Variants in CATSPERB observed in about 807,000 individuals in gnomAD.
CATSPERB encodes the protein catsper channel auxiliary subunit beta, also known as cation channel sperm-associated auxiliary subunit beta.
CATSPERB carries 93 observed loss-of-function variants against 128.3 expected under a neutral mutation model. The observed-to-expected ratio is 0.72, with a 90% CI of 0.61 to 0.86. CATSPERB has a LOEUF of 0.86. Among genes scored for constraint, CATSPERB ranks in the 40% least tolerant of loss-of-function variants. CATSPERB has a pLI of 0.00. For synonymous variants in CATSPERB, 381 were observed against 448.8 expected, an observed-to-expected ratio of 0.85 and a Z score of 1.91; for missense variants, 1,153 against 1,329.5, an observed-to-expected ratio of 0.87 and a Z score of 2.06.
In CATSPERB at chr14:91,725,139, T is replaced by C; in HGVS notation, c.109A>G (p.Asn37Asp). 11 of 1,577,842 alleles carry C rather than the reference T, an allele frequency of 7.0e-6. No individual in the cohort carries two copies. Among genetic ancestry groups the C allele is most frequent in the Non-Finnish European group, 9.5e-6 (11 of 1,163,392 alleles). ...DDTEKRFACS[N>D]KGFPQENEII... is the part of the protein sequence containing the mutation. ...TCATTCTCTTGAGGGAACCCTTTGT[T>C]AGAACATGCAAAGCGTTTCTCTGTA... The change falls in exon 3 of 27, where the codon AAC becomes GAC. Residue 37 changes from asparagine to aspartate, a missense_variant. Coordinates refer to ENST00000256343, the MANE Select transcript of CATSPERB (RefSeq NM_024764.4).
intron 10 of CATSPERB, among the ~76,000 whole-genome samples, chr14:91,690,409 C>T (rs1008906326): frequency 6.6e-6 from 1 of 152,144 alleles, no homozygotes; most frequent in East Asian, 1.9e-4. Flanking sequence ...AGACAGGGCT[C>T]CTGCTCTCCC....
chr14:91,705,938 G>GT (rs956060559), intron 6 of CATSPERB, among the ~76,000 whole-genome samples: 4 of 151,856 alleles, frequency 2.6e-5, no homozygotes, highest in Admixed American at 6.6e-5. Flanking sequence ...AAAAGGGAGG[G>GT]TTTTTTTTCT....
intron 5 of CATSPERB, among the ~76,000 whole-genome samples, chr14:91,712,896 C>T (rs777759912): frequency 3.3e-5 from 5 of 152,178 alleles, no homozygotes; most frequent in East Asian, 1.9e-4. Flanking sequence ...AGAAAACCTA[C>T]GCAGACATGG....
intron 10 of CATSPERB, 75 bp from the exon 11 acceptor site, chr14:91,684,018 T>C (rs761528654): frequency 9.3e-6 from 10 of 1,073,810 alleles, no homozygotes; most frequent in Non-Finnish European, 1.2e-5. Flanking sequence ...TAGAAAAAAC[T>C]AAAAAATTTC....
In CATSPERB at chr14:91,670,378, C is replaced by T. The variant is rs145083717; in HGVS notation, c.1129-406G>A. On this transcript the variant is annotated intron_variant, in intron 13 of 26. Transcript: ENST00000256343. ...TCAGAATATGACACCTCAGGCCAGG[C>T]GCAGTCTTCAGCTTAAAATTATCTT... Among the ~76,000 whole-genome samples the T allele has an allele frequency of 1.7e-3, 257 of 152,220 alleles. 1 individual carries two copies. Among genetic ancestry groups the T allele is most frequent in the South Asian group, 0.01 (49 of 4,814 alleles).
chr14:91,608,287 T>C lies in CATSPERB; in HGVS notation c.2709+7A>G, dbSNP rs1161437888. On this transcript the variant is annotated splice_region_variant and intron_variant, in intron 22 of 26. Transcript: ENST00000256343. ...AGTGCTAGATTATTTGTAAAAAAGT[T>C]ATTTACCTTTGACATGTGAAACATG... 1.3e-6 allele frequency: 2 copies of C among 1,549,684 alleles called. No homozygotes were observed. Among genetic ancestry groups the C allele is most frequent in the East Asian group, 2.3e-5 (1 of 44,416 alleles).
intron 14 of CATSPERB, among the ~76,000 whole-genome samples, chr14:91,662,732 C>A (rs1894907990): frequency 6.6e-6 from 1 of 152,150 alleles, no homozygotes; most frequent in Admixed American, 6.6e-5. Context: ...ATTTATTTTG[C>A]CAGTTAAGTA....
chr14:91,593,914 G>A (rs1286917974), intron 22 of CATSPERB, among the ~76,000 whole-genome samples: 8 of 14,346 alleles, frequency 5.6e-4, no homozygotes, highest in South Asian at 6.1e-3. Flanking sequence ...CATGGGCGCT[G>A]CTGGTCTTTC....
intron 7 of CATSPERB, among the ~76,000 whole-genome samples, chr14:91,697,869 T>C (rs1895589177): frequency 6.6e-6 from 1 of 152,206 alleles, no homozygotes; most frequent in Non-Finnish European, 1.5e-5. Flanking sequence ...TGGGCTCTTT[T>C]TTGTTCCATA....
At chr14:91,679,382 G>A (rs2139836764) in intron 11 of CATSPERB, among the ~76,000 whole-genome samples, 1 of 152,234 alleles carries the variant, frequency 6.6e-6, no homozygotes, top group African/African-American at 2.4e-5. Flanking sequence ...CTGTCCTAAA[G>A]TAAAATGGTT....
At chr14:91,678,909 G>T (rs1895235224) in intron 11 of CATSPERB, among the ~76,000 whole-genome samples, 1 of 152,068 alleles carries the variant, frequency 6.6e-6, no homozygotes, top group African/African-American at 2.4e-5. Context: ...TAACTTTAAG[G>T]TTCTTAGGTG....
At chr14:91,627,773 G>A (rs1261897272) in intron 17 of CATSPERB, among the ~76,000 whole-genome samples, 4 of 151,888 alleles carry the variant, frequency 2.6e-5, no homozygotes, top group Admixed American at 2.6e-4. Context: ...TTGGAGACCA[G>A]CTTGGATGCA....
intron 22 of CATSPERB, among the ~76,000 whole-genome samples, chr14:91,598,666 GGC>G (rs1893552955): frequency 1.3e-5 from 2 of 152,000 alleles, no homozygotes; most frequent in South Asian, 4.1e-4. Flanking sequence ...AGACCATCCT[GGC>G]TAACATGGTG....
chr14:91,587,408 C>T (rs753395930), intron 25 of CATSPERB, 132 bp from the exon 26 acceptor site: 5 of 472,176 alleles, frequency 1.1e-5, no homozygotes, highest in Non-Finnish European at 1.1e-5. Context: ...CTTCCTAAGG[C>T]TCTCGGACAT....
chr14:91,592,141 A>G, intron 22 of CATSPERB, 139 bp from the exon 23 acceptor site: 1 of 670,228 alleles, frequency 1.5e-6, no homozygotes, highest in South Asian at 1.7e-5. Context: ...ATTCATTAAT[A>G]ATAAAGTAAG....
At chr14:91,678,810 T>C (rs1895233761) in intron 11 of CATSPERB, among the ~76,000 whole-genome samples, 2 of 151,970 alleles carry the variant, frequency 1.3e-5, no homozygotes, top group South Asian at 4.2e-4. Context: ...GTTTGTATGA[T>C]TTTTTTTGAT....
rs144797913 is a variant in CATSPERB, at chr14:91,717,827, C to A, written c.370+1591G>T. Among the ~76,000 whole-genome samples, 775 of 152,266 alleles carry A rather than the reference C, an allele frequency of 5.1e-3. 11 individuals carry two copies. Among genetic ancestry groups the A allele is most frequent in the African/African-American group, 0.017 (727 of 41,556 alleles). ...GAAAAAGTGAATGAATAAATATGAT[C>A]TCCTTACCTCTGAACATTTTTCCCC... On this transcript the variant is annotated intron_variant, in intron 5 of 26. Coordinates refer to ENST00000256343, the MANE Select transcript of CATSPERB (RefSeq NM_024764.4).
At position 91,708,225 on chromosome 14, in the gene CATSPERB, C is replaced by T; in HGVS notation, c.382G>A (p.Val128Ile). Residue 128 changes from valine (V) to isoleucine (I), a missense_variant, in exon 6 of 27, where the codon GTA (valine) becomes ATA (isoleucine). By Grantham distance (29) the Val-to-Ile change is conservative. Transcript: ENST00000256343. The stretch of plus-strand genomic sequence containing the variant: ...GTGATTCTTACTAACCATTCTTCTA[C>T]AGCTGCAATATCTGTTTGAAAACAA... The part of the protein sequence containing the change: ...NITQSTDIAA[V>I]EEWLVRITLH... The T allele has an allele frequency of 6.2e-7, 1 of 1,600,852 alleles. No individual in the cohort carries two copies. The highest frequency in any genetic ancestry group is 8.5e-7 in the Non-Finnish European group (1 of 1,171,558).
intron 11 of CATSPERB, among the ~76,000 whole-genome samples, chr14:91,682,444 T>C (rs183816776): frequency 6.6e-6 from 1 of 152,242 alleles, no homozygotes; most frequent in Admixed American, 6.5e-5. Context: ...ATGGGATGGT[T>C]ACCTCCCCAG....
Sources: gnomAD v4.1 joint callset for allele counts (sites outside exome capture counted in the v4.1 genomes callset) on GRCh38, gnomAD v4.1.1 for gene constraint, MANE v1.5 for transcripts, NCBI Gene and HGNC (gene_info 2026-07-23, HGNC 2026-07-21) for gene names.